Variants in IQCM observed in about 807,000 individuals in gnomAD.
The protein encoded by IQCM is IQ motif containing M.
In IQCM, 45 loss-of-function variants were observed where a neutral mutation model predicts 57.6. The observed-to-expected ratio is 0.78, with a 90% CI of 0.62 to 1.00. IQCM has a LOEUF of 1.00. Ranked by LOEUF, IQCM falls within the 50% of genes least tolerant of loss-of-function variation. IQCM has a pLI of 0.00. For synonymous variants in IQCM, 148 were observed against 158.9 expected, an observed-to-expected ratio of 0.93 and a Z score of 0.51; for missense variants, 468 against 511.6, an observed-to-expected ratio of 0.91 and a Z score of 0.82.
At chr4:149,486,002 T>C (rs1243574351) in intron 12 of IQCM, among the ~76,000 whole-genome samples, 2 of 149,008 alleles carry the variant, frequency 1.3e-5, no homozygotes, top group Non-Finnish European at 3.0e-5. Flanking sequence ...CCTTACTTTC[T>C]CCCAAGCAAA....
chr4:149,645,408 C>A (rs1025056139), intron 7 of IQCM, among the ~76,000 whole-genome samples: 2 of 152,062 alleles, frequency 1.3e-5, no homozygotes, highest in Admixed American at 1.3e-4. Context: ...ACATTTTTAA[C>A]TTTTTAATTG....
intron 12 of IQCM, among the ~76,000 whole-genome samples, chr4:149,531,004 A>C (rs1746692236): frequency 6.6e-6 from 1 of 152,096 alleles, no homozygotes; most frequent in Non-Finnish European, 1.5e-5. Context: ...CTTATTTGCA[A>C]GGATGTTTTG....
At chr4:149,562,743 G>A (rs754560463) in intron 10 of IQCM, among the ~76,000 whole-genome samples, 6 of 152,174 alleles carry the variant, frequency 3.9e-5, no homozygotes, top group Non-Finnish European at 8.8e-5. Context: ...TGTTTAATCA[G>A]AACTACATAT....
intron 12 of IQCM, among the ~76,000 whole-genome samples, chr4:149,489,779 A>G (rs144876282): frequency 2.6e-5 from 4 of 151,602 alleles, no homozygotes; most frequent in Admixed American, 6.6e-5. Flanking sequence ...GTGTGTGTGT[A>G]TATATATACA....
chr4:149,534,769 T>C (rs1503711), intron 12 of IQCM, among the ~76,000 whole-genome samples: 78,439 of 151,846 alleles, frequency 0.52, 20,492 homozygotes, highest in Non-Finnish European at 0.55. Flanking sequence ...GATTTCAATA[T>C]GAAAACTGAA....
intron 13 of IQCM, among the ~76,000 whole-genome samples, chr4:149,428,024 T>C (rs958261895): frequency 6.6e-6 from 1 of 151,894 alleles, no homozygotes; most frequent in Non-Finnish European, 1.5e-5. Flanking sequence ...CAAATTAGAA[T>C]AGGCCATTTT....
intron 2 of IQCM, among the ~76,000 whole-genome samples, chr4:149,744,474 G>T (rs1035048469): frequency 2.0e-5 from 3 of 152,088 alleles, no homozygotes; most frequent in Admixed American, 1.3e-4. Flanking sequence ...CCTTAATTCA[G>T]TGTGCCAGGA....
At position 149,712,070 on chromosome 4, in the gene IQCM, C is replaced by T. The variant is rs544468771; in HGVS notation, c.385+21174G>A. On this transcript the variant is annotated intron_variant, in intron 5 of 13. Transcript: ENST00000636793. ...CAGGCTTGTTCCCCTGGTTCTTAGG[C>T]TGCTTCAGAGCAGTGCCAGCTTAGA... Among the ~76,000 whole-genome samples, 12 of 152,268 alleles carry T rather than the reference C, an allele frequency of 7.9e-5. No individual in the cohort carries two copies. In the East Asian group the frequency reaches 2.3e-3, roughly 29 times the overall value.
chr4:149,582,298 T>A (rs1752260543), intron 9 of IQCM, among the ~76,000 whole-genome samples: 1 of 86,170 alleles, frequency 1.2e-5, no homozygotes, highest in Non-Finnish European at 2.5e-5. Context: ...CCAATGAAGA[T>A]GCTGTAGACA....
chr4:149,502,664 A>T (rs1459724658), intron 12 of IQCM, among the ~76,000 whole-genome samples: 3 of 152,010 alleles, frequency 2.0e-5, no homozygotes, highest in Non-Finnish European at 4.4e-5. Context: ...AGAGAATGAG[A>T]CCCTCTCTCA....
intron 5 of IQCM, among the ~76,000 whole-genome samples, chr4:149,723,858 G>T (rs1580127364): frequency 6.6e-6 from 1 of 151,692 alleles, no homozygotes; most frequent in East Asian, 1.9e-4. Flanking sequence ...GTTTCAGTAG[G>T]ATTGATACCA....
chr4:149,767,250 T>A (rs1335618666), intron 2 of IQCM, among the ~76,000 whole-genome samples: 1 of 151,930 alleles, frequency 6.6e-6, no homozygotes, highest in African/African-American at 2.4e-5. Flanking sequence ...GTAACTATCA[T>A]GAAGATCTTC....
intron 13 of IQCM, among the ~76,000 whole-genome samples, chr4:149,379,959 G>A (rs913470162): frequency 1.4e-4 from 21 of 152,132 alleles, no homozygotes; most frequent in African/African-American, 5.1e-4. Flanking sequence ...TCATGGTGGT[G>A]AATAAGTCTC....
At chr4:149,526,916 T>A (rs1010370237) in intron 12 of IQCM, among the ~76,000 whole-genome samples, 3 of 152,122 alleles carry the variant, frequency 2.0e-5, no homozygotes, top group African/African-American at 7.2e-5. Context: ...CAAAAATTTT[T>A]AAATAATATA....
intron 12 of IQCM, among the ~76,000 whole-genome samples, chr4:149,456,748 T>C (rs974951195): frequency 3.3e-5 from 5 of 152,054 alleles, no homozygotes; most frequent in Non-Finnish European, 7.4e-5. Context: ...AGAGAATTCT[T>C]TATGGCCCGC....
rs542222058 is a variant in IQCM, at chr4:149,366,432, T to C, written c.1391-14366A>G. On this transcript the variant is annotated intron_variant, in intron 13 of 13. Coordinates refer to ENST00000636793, the MANE Select transcript of IQCM (RefSeq NM_001363507.2). ...TACCTCCAAAACTTCCCATATCTCT[T>C]TTCATTGAATGCTTTCATCCTGCTT... Among the ~76,000 whole-genome samples, 4 of 152,010 alleles carry C rather than the reference T, an allele frequency of 2.6e-5. No homozygotes were observed. The South Asian group carries it at 8.3e-4, about 32-fold the overall frequency.
At chr4:149,511,404 T>A (rs1744401590) in intron 12 of IQCM, among the ~76,000 whole-genome samples, 1 of 151,690 alleles carries the variant, frequency 6.6e-6, no homozygotes, top group Non-Finnish European at 1.5e-5. Context: ...GGTACATGTC[T>A]GTAATCCCAG....
At chr4:149,425,645 ATCT>A (rs763841591) in intron 13 of IQCM, among the ~76,000 whole-genome samples, 9 of 152,078 alleles carry the variant, frequency 5.9e-5, no homozygotes, top group South Asian at 4.1e-4. Flanking sequence ...AATGAGGGAA[ATCT>A]TCTTTATCTA....
intron 13 of IQCM, among the ~76,000 whole-genome samples, chr4:149,415,460 C>A (rs1324065781): frequency 6.6e-6 from 1 of 152,136 alleles, no homozygotes; most frequent in Non-Finnish European, 1.5e-5. Context: ...TTTTATAATT[C>A]TTTCTGTAAA....
Sources: allele counts gnomAD v4.1 joint callset (sites outside exome capture counted in the v4.1 genomes callset), GRCh38; gene constraint gnomAD v4.1.1; transcripts MANE v1.5; gene names NCBI Gene and HGNC (gene_info 2026-07-23, HGNC 2026-07-21).